The following CA12 variants were observed in gnomAD, a reference collection of about 807,000 sequenced individuals.
CA12 encodes carbonic anhydrase 12.
A neutral mutation model predicts 46.8 loss-of-function variants in CA12; 36 were observed. The ratio of observed to expected loss-of-function variants is 0.77; its 90% CI spans 0.59 to 1.02. The LOEUF is 1.02. CA12 is among the 50% of genes least tolerant of loss of function. The pLI is 0.00. For synonymous variants in CA12, 202 were observed against 187.0 expected (o/e 1.08, Z -0.65); for missense variants, 436 against 451.4 (o/e 0.97, Z 0.31).
intron 2 of CA12, among the ~76,000 whole-genome samples, chr15:63,368,665 G>A (rs542333376): frequency 6.6e-6 from 1 of 152,324 alleles, no homozygotes; most frequent in Non-Finnish European, 1.5e-5. Context: ...CTGAATGCCC[G>A]GGGCTCAAGA....
At chr15:63,358,790 G>A (rs997125237) in intron 2 of CA12, among the ~76,000 whole-genome samples, 2 of 152,114 alleles carry the variant, frequency 1.3e-5, no homozygotes, top group African/African-American at 4.8e-5. Flanking sequence ...CATCTTCAAA[G>A]AACTGTGTGC....
intron 8 of CA12, among the ~76,000 whole-genome samples, chr15:63,333,027 G>A (rs912812871): frequency 2.6e-5 from 4 of 152,218 alleles, no homozygotes; most frequent in South Asian, 2.1e-4. Context: ...AGATGGAGAC[G>A]TGGTTCTGGC....
At chr15:63,360,295 T>C (rs1384857102) in intron 2 of CA12, among the ~76,000 whole-genome samples, 1 of 152,210 alleles carries the variant, frequency 6.6e-6, no homozygotes, top group Non-Finnish European at 1.5e-5. Flanking sequence ...GGAAACCTCA[T>C]TCTTTTAAAG....
In CA12 at chr15:63,322,621, T is replaced by G. The variant is rs1036511753; in HGVS notation, c.*3664A>C. 2 of 152,200 alleles carry G rather than the reference T, an allele frequency of 1.3e-5. No homozygotes were observed. The highest frequency in any genetic ancestry group is 4.8e-5 in the African/African-American group (2 of 41,456). 9.4% of individuals were successfully genotyped at this position (152,200 alleles called of 1,614,324 possible). On this transcript the variant is annotated 3_prime_UTR_variant, in exon 11 of 11. Transcript: ENST00000178638. This position sits in a 1 kb window ranked among gnomAD's most constrained non-coding sequence, Gnocchi z 4.1. ...CCTCCCTGATCATTCAGCCAGTGGA[T>G]GTGGAATTCAGGGAGATGAGAGATG...
chr15:63,344,039 T>C (rs1299939803), intron 4 of CA12, among the ~76,000 whole-genome samples: 2 of 152,236 alleles, frequency 1.3e-5, no homozygotes, highest in East Asian at 3.8e-4. Flanking sequence ...TCTTCATGGG[T>C]TCAGGACAAA....
At chr15:63,353,049 G>A (rs114350264) in intron 2 of CA12, among the ~76,000 whole-genome samples, 1,630 of 152,230 alleles carry the variant, frequency 0.011, 28 homozygotes, top group African/African-American at 0.037. Context: ...TGTACTAGGT[G>A]CTGAAGATGC....
chr15:63,330,685 G>T lies in CA12; in HGVS notation c.875-2555C>A, dbSNP rs1324219573. The stretch of plus-strand genomic sequence containing the variant: ...CTATGGAGAGCAAGGCCCCAGCAAG[G>T]GTGGGGCTTTTCTCAGGGCACATGC... On this transcript the variant is annotated intron_variant, in intron 8 of 10. Transcript: ENST00000178638. The surrounding 1 kb of genome is among the most constrained non-coding windows in gnomAD (Gnocchi z 4.0). Among the ~76,000 whole-genome samples the T allele has an allele frequency of 7.4e-6, 1 of 135,916 alleles. No individual in the cohort carries two copies. The highest frequency in any genetic ancestry group is 7.2e-5 in the Admixed American group (1 of 13,906). The allele number at this position is 135,916 out of a possible 152,430, so 89.2% of individuals were successfully genotyped here.
In CA12 at chr15:63,322,348, G is replaced by A. The variant is rs1439978025; in HGVS notation, c.*3937C>T. ...ATACTGGTTACATGTGGAAATGATA[G>A]TATTTTAGATCTGTTGGATTATCTA... On this transcript the variant is annotated 3_prime_UTR_variant, in exon 11 of 11. Transcript: ENST00000178638. The surrounding 1 kb of genome is among the most constrained non-coding windows in gnomAD (Gnocchi z 4.1). The A allele has an allele frequency of 4.6e-5, 7 of 150,694 alleles. No homozygotes were observed. Among genetic ancestry groups the A allele is most frequent in the African/African-American group, 1.5e-4 (6 of 41,004 alleles). The allele number at this position is 150,694 out of a possible 1,614,324, so 9.3% of individuals were successfully genotyped here. A position where few individuals can be genotyped will look rare whatever the true frequency, so the allele number is the denominator to read the frequency against.
chr15:63,326,666 T>C (rs572613171), intron 10 of CA12, among the ~76,000 whole-genome samples: 16 of 152,208 alleles, frequency 1.1e-4, no homozygotes, highest in African/African-American at 3.9e-4. Flanking sequence ...AACCTTTTTA[T>C]TTTTCATACC....
In CA12 at chr15:63,378,418, T is replaced by C. The variant is rs1478002922; in HGVS notation, c.86-2740A>G. 6.6e-6 allele frequency among the ~76,000 whole-genome samples: 1 copy of C among 151,856 alleles called. No individual in the cohort carries two copies. Among genetic ancestry groups the C allele is most frequent in the Non-Finnish European group, 1.5e-5 (1 of 67,952 alleles). ...AAAAATTTCCCTAAGCTTAGACACA[T>C]AAAGTTTTATATACAAGTCATTTCA... On this transcript the variant is annotated intron_variant, in intron 1 of 10. Coordinates refer to ENST00000178638, the MANE Select transcript of CA12 (RefSeq NM_001218.5). This position sits in a 1 kb window ranked among gnomAD's most constrained non-coding sequence, Gnocchi z 4.8.
At position 63,340,532 on chromosome 15, in the gene CA12, C is replaced by T; in HGVS notation, c.590-87G>A. On this transcript the variant is annotated intron_variant, in intron 6 of 10. Coordinates refer to ENST00000178638, the MANE Select transcript of CA12 (RefSeq NM_001218.5). This position sits in a 1 kb window ranked among gnomAD's most constrained non-coding sequence, Gnocchi z 4.4. ...TGAACAGAGCGACTGAGCCTAGAAA[C>T]ATGAACTAGCCCCTTTCAGGGTCAT... The T allele has an allele frequency of 6.4e-7, 1 of 1,556,110 alleles. No homozygotes were observed.
At chr15:63,364,478 C>T (rs2039413851) in intron 2 of CA12, among the ~76,000 whole-genome samples, 2 of 151,986 alleles carry the variant, frequency 1.3e-5, no homozygotes, top group South Asian at 4.1e-4. Context: ...AGGCTGGGTC[C>T]CAGTTAAACT....
At chr15:63,359,189 C>T (rs1719094304) in intron 2 of CA12, among the ~76,000 whole-genome samples, 1 of 152,170 alleles carries the variant, frequency 6.6e-6, no homozygotes, top group Non-Finnish European at 1.5e-5. Flanking sequence ...GCTGGCTACC[C>T]CCTTTGGATA....
chr15:63,374,419 G>T lies in CA12; in HGVS notation c.106+1239C>A, dbSNP rs1348970522. Among the ~76,000 whole-genome samples, 1 of 152,142 alleles carries T rather than the reference G, an allele frequency of 6.6e-6. No homozygotes were observed. The highest frequency in any genetic ancestry group is 1.5e-5 in the Non-Finnish European group (1 of 68,034). On this transcript the variant is annotated intron_variant, in intron 2 of 10. Coordinates refer to ENST00000178638, the MANE Select transcript of CA12 (RefSeq NM_001218.5). This position sits in a 1 kb window ranked among gnomAD's most constrained non-coding sequence, Gnocchi z 4.4. ...ACACTCGCCCTCCTTTGAGCACTCA[G>T]ATCTCTGAAGCATTTGTTTATGATG...
chr15:63,326,393 G>C (rs779894602), intron 10 of CA12, 36 bp from the exon 11 acceptor site: 3 of 1,565,098 alleles, frequency 1.9e-6, no homozygotes, highest in African/African-American at 2.7e-5. Flanking sequence ...TTGTTAGAGA[G>C]GAGAGCGAGC....
Position 63,328,170 on chromosome 15 carries a change from C to A in CA12, c.875-40G>T. ...GGAAAAGACGAGGTTACTCTAGAGT[C>A]AAACCACACTGGATTTGAGCAGCGT... On this transcript the variant is annotated intron_variant, in intron 8 of 10. Transcript: ENST00000178638. The surrounding 1 kb of genome is among the most constrained non-coding windows in gnomAD (Gnocchi z 5.9). 1 of 1,588,978 alleles carries A rather than the reference C, an allele frequency of 6.3e-7. No individual in the cohort carries two copies. Among genetic ancestry groups the A allele is most frequent in the South Asian group, 1.1e-5 (1 of 90,526 alleles).
At chr15:63,343,084 G>A (rs935746773) in intron 4 of CA12, among the ~76,000 whole-genome samples, 7 of 151,796 alleles carry the variant, frequency 4.6e-5, no homozygotes, top group East Asian at 1.9e-4. Flanking sequence ...ACACCATCTC[G>A]GCCTGGCATC....
Position 63,340,293 on chromosome 15 carries a change from C to T in CA12, c.742G>A (p.Glu248Lys). ...GAGTCTGGCACGACAGTTACCTGCT[C>T]CTGGGAAATTTGCACGGGGTTTCGG... ...VFRNPVQISQ[E>K]QLLALETALY... The change falls in exon 7 of 11, where the codon GAG becomes AAG. Residue 248 changes from glutamate (E) to lysine (K), a missense_variant. Glu to Lys is a moderately conservative substitution (Grantham distance 56, BLOSUM62 1). Transcript: ENST00000178638. This position sits in a 1 kb window ranked among gnomAD's most constrained non-coding sequence, Gnocchi z 4.4. 6.2e-7 allele frequency: 1 copy of T among 1,614,172 alleles called. No individual in the cohort carries two copies. Among genetic ancestry groups the T allele is most frequent in the South Asian group, 1.1e-5 (1 of 91,082 alleles).
At chr15:63,380,423 G>C (rs897007514) in intron 1 of CA12, among the ~76,000 whole-genome samples, 2 of 152,218 alleles carry the variant, frequency 1.3e-5, no homozygotes, top group Non-Finnish European at 2.9e-5. Context: ...ACTAATGGCT[G>C]TTTCTCCCTT....
Sources: gnomAD v4.1 joint callset for allele counts (sites outside exome capture counted in the v4.1 genomes callset) on GRCh38, gnomAD v4.1.1 for gene constraint, Gnocchi (gnomAD v3.1) non-coding constraint, MANE v1.5 for transcripts, NCBI Gene and HGNC (gene_info 2026-07-23, HGNC 2026-07-21) for gene names.